Variants in ARHGEF12 observed in about 807,000 individuals in gnomAD.
ARHGEF12 encodes Rho guanine nucleotide exchange factor 12, also known as KMT2A/ARHGEF12 fusion protein.
ARHGEF12 carries 66 observed loss-of-function variants against 211.2 expected under a neutral mutation model. The observed-to-expected ratio is 0.31, with a 90% CI of 0.26 to 0.38. The LOEUF (loss-of-function observed/expected upper bound fraction) is 0.38. Among genes scored for constraint, ARHGEF12 ranks in the 10% least tolerant of loss-of-function variants. The pLI is 1.00. For missense variants in ARHGEF12, 1,429 were observed against 1,869.5 expected (o/e 0.76, Z 4.34); for synonymous variants, 592 against 638.4 (o/e 0.93, Z 1.09).
chr11:120,388,387 T>C (rs976813740), intron 1 of ARHGEF12, among the ~76,000 whole-genome samples: 4 of 152,210 alleles, frequency 2.6e-5, no homozygotes, highest in African/African-American at 7.2e-5. Flanking sequence ...GCATTTGGGT[T>C]GTTTCAAGTT....
rs143739655 is a variant in ARHGEF12 at position 120,446,659 on chromosome 11, G to A, written c.1451+151G>A. 351 of 701,614 alleles carry A rather than the reference G, an allele frequency of 5.0e-4. 2 individuals are homozygous for A. In the Middle Eastern group the frequency reaches 5.2e-3, roughly 10 times the overall value. The allele number at this position is 701,614 out of a possible 1,614,324, so 43.5% of individuals were successfully genotyped here. A position where few individuals can be genotyped will look rare whatever the true frequency, so the allele number is the denominator to read the frequency against. On this transcript the variant is annotated intron_variant, in intron 17 of 40. Coordinates refer to ENST00000397843, the MANE Select transcript of ARHGEF12 (RefSeq NM_015313.3). ...ACATAATGAACATCTGGAGCCAAAGGGTTAGAGTGGAACTGAGAGTCCAGA... is the reference window on the plus strand; with the variant it reads ...ACATAATGAACATCTGGAGCCAAAGAGTTAGAGTGGAACTGAGAGTCCAGA...
intron 1 of ARHGEF12, among the ~76,000 whole-genome samples, chr11:120,393,141 G>A (rs1199067311): frequency 6.6e-6 from 1 of 152,130 alleles, no homozygotes; most frequent in Non-Finnish European, 1.5e-5. Flanking sequence ...CACCATAATA[G>A]TTAAGTAGAA....
chr11:120,459,763 C>T (rs1946470564), intron 26 of ARHGEF12, among the ~76,000 whole-genome samples: 1 of 152,134 alleles, frequency 6.6e-6, no homozygotes, highest in Admixed American at 6.6e-5. Flanking sequence ...AGCTGGAGTG[C>T]AGTGGTGCAG....
At chr11:120,338,788 G>GTT (rs1374274657) in intron 1 of ARHGEF12, among the ~76,000 whole-genome samples, 2 of 152,250 alleles carry the variant, frequency 1.3e-5, no homozygotes, top group Non-Finnish European at 2.9e-5. Context: ...ATGCTGAGGT[G>GTT]TTTAATTTAT....
In ARHGEF12 at chr11:120,489,178, A is replaced by G. The variant is rs1417192721; in HGVS notation, c.*4101A>G. 3 of 227,186 alleles carry G rather than the reference A, an allele frequency of 1.3e-5. No individual in the cohort carries two copies. Among genetic ancestry groups the G allele is most frequent in the African/African-American group, 2.2e-5 (1 of 44,962 alleles). 14.1% of individuals were successfully genotyped at this position (227,186 alleles called of 1,614,324 possible). On this transcript the variant is annotated 3_prime_UTR_variant, in exon 41 of 41. Coordinates refer to ENST00000397843, the MANE Select transcript of ARHGEF12 (RefSeq NM_015313.3). ...TGCTTATTAGAGCATCCCTAGCAAC[A>G]AGGCTAAACCTTCATGACAGTGCTG... is the stretch of plus-strand genomic sequence containing the variant.
At chr11:120,473,542 A>G (rs1591637479) in intron 31 of ARHGEF12, among the ~76,000 whole-genome samples, 1 of 152,290 alleles carries the variant, frequency 6.6e-6, no homozygotes, top group South Asian at 2.1e-4. Context: ...AGCTAGGACT[A>G]TAGGTATATG....
intron 40 of ARHGEF12, 114 bp downstream of exon 40, chr11:120,484,621 A>T (rs968728854): frequency 2.1e-6 from 2 of 947,456 alleles, no homozygotes; most frequent in African/African-American, 3.3e-5. Context: ...TTCTGTCTTT[A>T]AAGAACTGCC....
rs189988671 is a variant in ARHGEF12 at position 120,374,745 on chromosome 11, T to C, written c.33-31373T>C. Among the ~76,000 whole-genome samples, 569 of 152,336 alleles carry C rather than the reference T, an allele frequency of 3.7e-3. 4 individuals carry two copies. Among genetic ancestry groups the C allele is most frequent in the African/African-American group, 0.013 (550 of 41,572 alleles). The stretch of plus-strand genomic sequence containing the variant: ...AAAAATAAATATTTTTAAAAAACTT[T>C]TCTTTTTAAATTGTGAAAAACGTAT... On this transcript the variant is annotated intron_variant, in intron 1 of 40. Transcript: ENST00000397843.
chr11:120,429,584 G>A (rs1945464662), intron 9 of ARHGEF12, 67 bp downstream of exon 9: 2 of 1,578,882 alleles, frequency 1.3e-6, no homozygotes, highest in East Asian at 2.2e-5. Flanking sequence ...TTGAGTTGGT[G>A]TTTATCAGTC....
rs571843887 is a variant in ARHGEF12 at position 120,488,883 on chromosome 11, T to G, written c.*3806T>G. On this transcript the variant is annotated 3_prime_UTR_variant, in exon 41 of 41. Transcript: ENST00000397843. ...GACTTTATTGTTCTAATTATCCAGA[T>G]GTACCTTTGTAAAATAGCTCTTTTA... 2 of 214,964 alleles carry G rather than the reference T, an allele frequency of 9.3e-6. No homozygotes were observed. Among genetic ancestry groups the G allele is most frequent in the African/African-American group, 2.3e-5 (1 of 44,330 alleles). The allele number at this position is 214,964 out of a possible 1,614,324, so 13.3% of individuals were successfully genotyped here. A position where few individuals can be genotyped will look rare whatever the true frequency, so the allele number is the denominator to read the frequency against.
chr11:120,364,816 A>ATT (rs59126463), intron 1 of ARHGEF12, among the ~76,000 whole-genome samples: 25,084 of 132,310 alleles, frequency 0.19, 2,701 homozygotes, highest in African/African-American at 0.25. Flanking sequence ...ACATGTACCA[A>ATT]TTTTTTTTTT....
In ARHGEF12 at chr11:120,409,419, T is replaced by C. The variant is rs775475136; in HGVS notation, c.168T>C (p.Ser56=). Residue 56 remains serine, a synonymous_variant, in exon 4 of 41, where the codon TCT becomes TCC. Coordinates refer to ENST00000397843, the MANE Select transcript of ARHGEF12 (RefSeq NM_015313.3). ...ATAGCTCCTCCAAGAAGACAAAGTC[T>C]AGTTCAGAGGAGAGTAGATCCGAGA... ...PTDSSSKKTK[S]SSEESRSEIY... is the part of the protein sequence containing the mutation. 1.2e-6 allele frequency: 2 copies of C among 1,613,942 alleles called. No homozygotes were observed. The highest frequency in any genetic ancestry group is 1.7e-6 in the Non-Finnish European group (2 of 1,179,898).
Position 120,489,713 on chromosome 11 carries a change from TTTAG to T in ARHGEF12, c.*4640_*4643del, listed in dbSNP as rs1306491322. Reference sequence around the variant, plus strand: ...AAATGCTTAGTAGTTTATACCATCTTTTAGTTAAACATTTTAAAGATTAAGACTA... The same window carrying T: ...AAATGCTTAGTAGTTTATACCATCTTTTAAACATTTTAAAGATTAAGACTA... On this transcript the variant is annotated 3_prime_UTR_variant, in exon 41 of 41. Transcript: ENST00000397843. 4.9e-6 allele frequency: 1 copy of T among 202,980 alleles called. No individual in the cohort carries two copies. The highest frequency in any genetic ancestry group is 2.3e-5 in the African/African-American group (1 of 43,702). The allele number at this position is 202,980 out of a possible 1,614,324, so 12.6% of individuals were successfully genotyped here. A position where few individuals can be genotyped will look rare whatever the true frequency, so the allele number is the denominator to read the frequency against.
rs968473520 is a variant in ARHGEF12 at position 120,465,024 on chromosome 11, A to G, written c.2614-213A>G. On this transcript the variant is annotated intron_variant, in intron 27 of 40. Transcript: ENST00000397843. ...GTCTCAAAAAAAAGAAAAAAAAAAG[A>G]AGAAGAAAACATTGGAATATGATCA... 4 of 551,008 alleles carry G rather than the reference A, an allele frequency of 7.3e-6. No homozygotes were observed. The African/African-American group carries it at 7.9e-5, about 11-fold the overall frequency. The allele number at this position is 551,008 out of a possible 1,614,324, so 34.1% of individuals were successfully genotyped here. A position where few individuals can be genotyped will look rare whatever the true frequency, so the allele number is the denominator to read the frequency against.
At chr11:120,457,324 A>G (rs1382987444) in intron 23 of ARHGEF12, 74 bp downstream of exon 23, 4 of 1,543,982 alleles carry the variant, frequency 2.6e-6, no homozygotes, top group Non-Finnish European at 3.5e-6. Context: ...TCCTATACTT[A>G]GTAGCATTCT....
At chr11:120,403,518 GAA>G (rs71473104) in intron 1 of ARHGEF12, among the ~76,000 whole-genome samples, 2 of 136,612 alleles carry the variant, frequency 1.5e-5, no homozygotes, top group Non-Finnish European at 1.6e-5. Context: ...AAAAGAAAAG[GAA>G]AAAAAAAAAA....
At position 120,472,992 on chromosome 11, in the gene ARHGEF12, TAGAG is replaced by T. The variant is rs370298162; in HGVS notation, c.2956-55_2956-52del. 21 of 1,506,944 alleles carry T rather than the reference TAGAG, an allele frequency of 1.4e-5. No individual in the cohort carries two copies. In the African/African-American group the frequency reaches 2.1e-4, roughly 15 times the overall value. The allele number at this position is 1,506,944 out of a possible 1,614,324, so 93.3% of individuals were successfully genotyped here. On this transcript the variant is annotated intron_variant, in intron 30 of 40. Transcript: ENST00000397843. ...TTAAATGCCAAGTTTGATTCAGAAATAGAGAGGTCATTAATGACCAAAGCACTAA... is the reference window on the plus strand; with the variant it reads ...TTAAATGCCAAGTTTGATTCAGAAATAGGTCATTAATGACCAAAGCACTAA...
chr11:120,430,962 T>C (rs1030877658), intron 10 of ARHGEF12, among the ~76,000 whole-genome samples: 1 of 152,136 alleles, frequency 6.6e-6, no homozygotes, highest in Non-Finnish European at 1.5e-5. Context: ...TAGGCAAATA[T>C]AATATTCTTA....
At chr11:120,419,320 T>C (rs1315464781) in intron 4 of ARHGEF12, among the ~76,000 whole-genome samples, 1 of 152,006 alleles carries the variant, frequency 6.6e-6, no homozygotes, top group Non-Finnish European at 1.5e-5. Context: ...CTAGGTTTTT[T>C]TTCTTTTATG....
Sources: gnomAD v4.1 joint callset for allele counts (sites outside exome capture counted in the v4.1 genomes callset) on GRCh38, gnomAD v4.1.1 for gene constraint, MANE v1.5 for transcripts, NCBI Gene and HGNC (gene_info 2026-07-23, HGNC 2026-07-21) for gene names.